The following NLGN1 variants were observed in gnomAD, a reference collection of about 807,000 sequenced individuals.
NLGN1 encodes the protein neuroligin 1.
Under a neutral mutation model 65.5 loss-of-function variants are expected in NLGN1, and 12 were observed. That is an observed-to-expected ratio of 0.18 (90% CI 0.12 to 0.30). The LOEUF is 0.30. Ranked by LOEUF, NLGN1 falls within the 10% of genes least tolerant of loss-of-function variation. The pLI is 1.00. For missense variants in NLGN1, 750 were observed against 1,007.1 expected (o/e 0.74, Z 3.46); for synonymous variants, 350 against 359.5 (o/e 0.97, Z 0.30).
intron 3 of NLGN1, among the ~76,000 whole-genome samples, chr3:173,758,091 G>T (rs1777407853): frequency 2.6e-5 from 4 of 151,876 alleles, no homozygotes; most frequent in Admixed American, 1.3e-4. Context: ...AACTATTGCT[G>T]GCCTTATAAG....
At chr3:173,537,806 G>A (rs1177117609) in intron 2 of NLGN1, among the ~76,000 whole-genome samples, 2 of 152,092 alleles carry the variant, frequency 1.3e-5, no homozygotes, top group East Asian at 3.9e-4. Flanking sequence ...ATCAAGAGAT[G>A]CCCTAAAGGA....
At chr3:174,239,435 C>T (rs188534657) in intron 4 of NLGN1, among the ~76,000 whole-genome samples, 147 of 152,142 alleles carry the variant, frequency 9.7e-4, no homozygotes, top group Non-Finnish European at 1.8e-3. Context: ...TTCTCTTGGC[C>T]CCTTTCATCT....
chr3:173,912,536 A>G (rs1579142097), intron 4 of NLGN1: 1 of 152,146 alleles, frequency 6.6e-6, no homozygotes, highest in Non-Finnish European at 1.5e-5. Context: ...TATATGCCCC[A>G]TGTATCTACC....
Position 173,577,158 on chromosome 3 carries a change from G to T in NLGN1, c.-320-27121G>T, listed in dbSNP as rs370462585. Among the ~76,000 whole-genome samples, 17 of 152,270 alleles carry T rather than the reference G, an allele frequency of 1.1e-4. 1 individual carries two copies. Among genetic ancestry groups the T allele is most frequent in the Admixed American group, 2.0e-4 (3 of 15,298 alleles). On this transcript the variant is annotated intron_variant, in intron 2 of 6. Coordinates refer to ENST00000457714, the Ensembl canonical transcript of NLGN1. Reference sequence around the variant, plus strand: ...GTTTTAATGATTAGTTTGAGTCCTTGTATGATGAATTTCAGCTATAAGATA... The same window carrying T: ...GTTTTAATGATTAGTTTGAGTCCTTTTATGATGAATTTCAGCTATAAGATA...
At chr3:174,103,545 G>T (rs1163430366) in intron 4 of NLGN1, among the ~76,000 whole-genome samples, 1 of 151,972 alleles carries the variant, frequency 6.6e-6, no homozygotes, top group Non-Finnish European at 1.5e-5. Context: ...GCAATTAAAT[G>T]TTCTAGTGAA....
chr3:173,786,506 G>C (rs1392032496), intron 3 of NLGN1, among the ~76,000 whole-genome samples: 1 of 151,756 alleles, frequency 6.6e-6, no homozygotes, highest in Non-Finnish European at 1.5e-5. Flanking sequence ...TTATCTTTAG[G>C]TGACTCGCAA....
chr3:173,781,473 T>C (rs1169116093), intron 3 of NLGN1, among the ~76,000 whole-genome samples: 1 of 152,206 alleles, frequency 6.6e-6, no homozygotes, highest in Admixed American at 6.5e-5. Context: ...CTGTTATGGA[T>C]TATCTTTGAT....
intron 2 of NLGN1, among the ~76,000 whole-genome samples, chr3:173,503,099 T>C (rs996359969): frequency 5.3e-5 from 8 of 152,042 alleles, no homozygotes; most frequent in East Asian, 1.9e-4. Flanking sequence ...TGTGTGTGTG[T>C]GCGTGTGAGT....
chr3:173,626,230 TGA>T (rs1331463095), intron 3 of NLGN1, among the ~76,000 whole-genome samples: 1 of 152,058 alleles, frequency 6.6e-6, no homozygotes, highest in African/African-American at 2.4e-5. Context: ...TAGCTACCTA[TGA>T]TTAATTGCTA....
chr3:174,262,196 T>C (rs1481474534), intron 4 of NLGN1, among the ~76,000 whole-genome samples: 222 of 111,166 alleles, frequency 2.0e-3, no homozygotes, highest in Middle Eastern at 8.2e-3. Context: ...GATGCTGGCC[T>C]CATAAAATGA....
intron 4 of NLGN1, among the ~76,000 whole-genome samples, chr3:173,827,333 T>G (rs1721542044): frequency 6.6e-6 from 1 of 152,010 alleles, no homozygotes; most frequent in African/African-American, 2.4e-5. Context: ...ACATACGATA[T>G]TTAAGGGAAC....
intron 2 of NLGN1, among the ~76,000 whole-genome samples, chr3:173,465,217 C>T (rs1724125341): frequency 6.6e-6 from 1 of 152,174 alleles, no homozygotes; most frequent in Non-Finnish European, 1.5e-5. Context: ...GACACAGCAT[C>T]ACAGAGGATT....
At chr3:174,082,668 T>C in intron 4 of NLGN1, among the ~76,000 whole-genome samples, 1 of 152,140 alleles carries the variant, frequency 6.6e-6, no homozygotes, top group Non-Finnish European at 1.5e-5. Context: ...TAAGAAAATA[T>C]ATAAACATAT....
At chr3:173,797,797 A>G (rs1390219886) in intron 3 of NLGN1, among the ~76,000 whole-genome samples, 1 of 152,062 alleles carries the variant, frequency 6.6e-6, no homozygotes, top group Admixed American at 6.6e-5. Flanking sequence ...ACTTCTCTAC[A>G]TATGCCCTCA....
chr3:173,852,127 C>T lies in NLGN1; in HGVS notation c.646+44295C>T, dbSNP rs369537144. ...ATCCCAGCACTTTGGGAGGCCGAGGCGGGCGGATCACGAGGTCAGGAGATC... is the reference window on the plus strand; with the variant it reads ...ATCCCAGCACTTTGGGAGGCCGAGGTGGGCGGATCACGAGGTCAGGAGATC... On this transcript the variant is annotated intron_variant, in intron 4 of 6. Coordinates refer to ENST00000457714, the Ensembl canonical transcript of NLGN1. 6.2e-4 allele frequency among the ~76,000 whole-genome samples: 94 copies of T among 151,254 alleles called. 1 individual carries two copies. The East Asian group carries it at 0.016, about 25-fold the overall frequency.
intron 4 of NLGN1, among the ~76,000 whole-genome samples, chr3:174,078,245 G>A (rs1741419975): frequency 6.6e-6 from 1 of 152,142 alleles, no homozygotes; most frequent in African/African-American, 2.4e-5. Context: ...TAGTATGTGT[G>A]TCAGATTCAT....
intron 3 of NLGN1, among the ~76,000 whole-genome samples, chr3:173,802,628 C>T (rs1208867926): frequency 6.6e-6 from 1 of 152,052 alleles, no homozygotes; most frequent in Non-Finnish European, 1.5e-5. Flanking sequence ...AATGTTGACT[C>T]GACATCACTG....
At chr3:173,798,863 G>T (rs1714760316) in intron 3 of NLGN1, among the ~76,000 whole-genome samples, 1 of 151,940 alleles carries the variant, frequency 6.6e-6, no homozygotes, top group Non-Finnish European at 1.5e-5. Flanking sequence ...GTCTCCCTGA[G>T]CTGATGAAAC....
At chr3:173,511,932 C>A (rs1038662530) in intron 2 of NLGN1, among the ~76,000 whole-genome samples, 1 of 152,170 alleles carries the variant, frequency 6.6e-6, no homozygotes, top group African/African-American at 2.4e-5. Context: ...AGGGTATTTT[C>A]TTGACCCCTT....
Sources: gnomAD v4.1 joint callset for allele counts (sites outside exome capture counted in the v4.1 genomes callset) on GRCh38, gnomAD v4.1.1 for gene constraint, MANE v1.5 for transcripts, NCBI Gene and HGNC (gene_info 2026-07-23, HGNC 2026-07-21) for gene names.